FARS2: variants seen among roughly 807,000 people sequenced by gnomAD.
FARS2 encodes phenylalanine--tRNA ligase, mitochondrial.
A neutral mutation model predicts 46.4 loss-of-function variants in FARS2; 40 were observed. The observed-to-expected ratio is 0.86, with a 90% CI of 0.67 to 1.12. The LOEUF (loss-of-function observed/expected upper bound fraction) is 1.12, where lower values mean the gene tolerates loss of function less well. Among genes scored for constraint, FARS2 ranks in the 50% most tolerant of loss-of-function variants. FARS2 has a pLI of 0.00. For synonymous variants in FARS2, 234 were observed against 214.9 expected, an observed-to-expected ratio of 1.09 and a Z score of -0.78; for missense variants, 513 against 567.9, an observed-to-expected ratio of 0.90 and a Z score of 0.98.
chr6:5,508,661 C>G (rs1752160854), intron 4 of FARS2, among the ~76,000 whole-genome samples: 1 of 152,124 alleles, frequency 6.6e-6, no homozygotes, highest in African/African-American at 2.4e-5. Context: ...AATTGAAGGC[C>G]CTGAAAGGTA....
chr6:5,486,766 C>T (rs1181056409), intron 4 of FARS2, among the ~76,000 whole-genome samples: 1 of 152,192 alleles, frequency 6.6e-6, no homozygotes, highest in African/African-American at 2.4e-5. Flanking sequence ...GCCACGTTTC[C>T]ATCATGGGAA....
chr6:5,637,896 A>G (rs973659478), intron 6 of FARS2, among the ~76,000 whole-genome samples: 1 of 152,176 alleles, frequency 6.6e-6, no homozygotes, highest in Non-Finnish European at 1.5e-5. Flanking sequence ...CTCTTTAGAT[A>G]CCCTATCTGT....
intron 1 of FARS2, among the ~76,000 whole-genome samples, chr6:5,326,350 C>A (rs1770379525): frequency 6.6e-6 from 1 of 152,214 alleles, no homozygotes; most frequent in African/African-American, 2.4e-5. Flanking sequence ...GATTCTAGTG[C>A]AGGGGCCCTG....
At chr6:5,283,105 G>T (rs1171993496) in intron 1 of FARS2, among the ~76,000 whole-genome samples, 1 of 152,044 alleles carries the variant, frequency 6.6e-6, no homozygotes, top group South Asian at 2.1e-4. Context: ...GGATATGGTG[G>T]CCCACACCTG....
At chr6:5,735,726 C>G (rs1760900986) in intron 6 of FARS2, among the ~76,000 whole-genome samples, 2 of 152,186 alleles carry the variant, frequency 1.3e-5, no homozygotes, top group East Asian at 3.9e-4. Context: ...TAACCGTGGT[C>G]AATAGCGGTA....
At chr6:5,712,655 A>C (rs1759248938) in intron 6 of FARS2, among the ~76,000 whole-genome samples, 1 of 152,268 alleles carries the variant, frequency 6.6e-6, no homozygotes, top group Non-Finnish European at 1.5e-5. Context: ...CTTCCAGCTA[A>C]GGCACGTCTG....
intron 5 of FARS2, among the ~76,000 whole-genome samples, chr6:5,555,791 A>G (rs1010361672): frequency 6.6e-6 from 1 of 152,164 alleles, no homozygotes; most frequent in Non-Finnish European, 1.5e-5. Flanking sequence ...TCAGAAAAAA[A>G]CTAATAGGAA....
intron 3 of FARS2, among the ~76,000 whole-genome samples, chr6:5,426,035 A>G (rs1256481073): frequency 6.6e-6 from 1 of 151,702 alleles, no homozygotes. Context: ...TTTTTTTCCT[A>G]AAGTATACTT....
intron 5 of FARS2, among the ~76,000 whole-genome samples, chr6:5,605,008 T>G (rs1379715762): frequency 1.3e-5 from 2 of 152,354 alleles, no homozygotes; most frequent in East Asian, 3.9e-4. Flanking sequence ...TTTGTCCTCC[T>G]CCCTGACAAA....
chr6:5,584,587 T>C (rs1773516016), intron 5 of FARS2, among the ~76,000 whole-genome samples: 1 of 152,170 alleles, frequency 6.6e-6, no homozygotes, highest in African/African-American at 2.4e-5. Context: ...CATGTGTGTA[T>C]GTTTATATAT....
At chr6:5,379,477 A>G (rs1759611324) in intron 2 of FARS2, among the ~76,000 whole-genome samples, 1 of 152,160 alleles carries the variant, frequency 6.6e-6, no homozygotes, top group African/African-American at 2.4e-5. Flanking sequence ...GTCCAGAAGT[A>G]TTATCTATAA....
chr6:5,661,343 A>G (rs1777843948), intron 6 of FARS2, among the ~76,000 whole-genome samples: 2 of 152,236 alleles, frequency 1.3e-5, no homozygotes, highest in African/African-American at 4.8e-5. Flanking sequence ...CTTACAGGAA[A>G]CACAGAGACT....
intron 6 of FARS2, among the ~76,000 whole-genome samples, chr6:5,725,842 G>A (rs1760215903): frequency 6.6e-6 from 1 of 152,202 alleles, no homozygotes; most frequent in Admixed American, 6.5e-5. Flanking sequence ...GGCTGAGGCA[G>A]GAGAATCGCT....
At chr6:5,282,571 G>C (rs1190903202) in intron 1 of FARS2, among the ~76,000 whole-genome samples, 1 of 152,188 alleles carries the variant, frequency 6.6e-6, no homozygotes, top group Non-Finnish European at 1.5e-5. Context: ...GCAGCTGTTC[G>C]AGTTTTGATC....
At chr6:5,717,067 G>A (rs1759542726) in intron 6 of FARS2, among the ~76,000 whole-genome samples, 1 of 152,222 alleles carries the variant, frequency 6.6e-6, no homozygotes, top group African/African-American at 2.4e-5. Context: ...TCGTCTCTCT[G>A]TGCAACATTC....
intron 2 of FARS2, among the ~76,000 whole-genome samples, chr6:5,371,581 A>G (rs1263000300): frequency 2.0e-5 from 3 of 151,770 alleles, no homozygotes; most frequent in Non-Finnish European, 4.4e-5. Context: ...AACTCTAGTG[A>G]ACAGTAATAA....
intron 5 of FARS2, among the ~76,000 whole-genome samples, chr6:5,575,431 T>TA (rs1772905425): frequency 6.6e-6 from 1 of 152,202 alleles, no homozygotes; most frequent in Admixed American, 6.6e-5. Context: ...ACCTCCCTCT[T>TA]CCACCCAATA....
At chr6:5,270,372 AC>A (rs11291075) in intron 1 of FARS2, among the ~76,000 whole-genome samples, 97,648 of 151,960 alleles carry the variant, frequency 0.64, 31,854 homozygotes, top group East Asian at 0.84. Flanking sequence ...GATGATAATT[AC>A]AGTCAGCTTT....
In FARS2 at chr6:5,613,667, T is replaced by C. The variant is rs374198367; in HGVS notation, c.1217+347T>C. The stretch of plus-strand genomic sequence containing the variant: ...AAAGAGCAGTTTGTGGAGTAGAAGC[T>C]GTTTTGATAGTCTCTCAGCAAATAT... On this transcript the variant is annotated intron_variant, in intron 6 of 6. Coordinates refer to ENST00000274680, the MANE Select transcript of FARS2 (RefSeq NM_006567.5). 9.9e-5 allele frequency among the ~76,000 whole-genome samples: 15 copies of C among 152,236 alleles called. No homozygotes were observed. In the East Asian group the frequency reaches 1.3e-3, roughly 14 times the overall value.
Sources: gnomAD v4.1 joint callset for allele counts (sites outside exome capture counted in the v4.1 genomes callset) on GRCh38, gnomAD v4.1.1 for gene constraint, MANE v1.5 for transcripts, NCBI Gene and HGNC (gene_info 2026-07-23, HGNC 2026-07-21) for gene names.